Variants in ITSN1 observed in about 807,000 individuals in gnomAD.
The protein encoded by ITSN1 is intersectin-1.
ITSN1 carries 58 observed loss-of-function variants against 239.8 expected under a neutral mutation model. The observed-to-expected ratio is 0.24, with a 90% CI of 0.20 to 0.30. ITSN1 has a LOEUF of 0.30. Ranked by LOEUF, ITSN1 falls within the 10% of genes least tolerant of loss-of-function variation. The pLI is 1.00. For missense variants in ITSN1, 1,558 were observed against 2,103.3 expected (o/e 0.74, Z 5.07); for synonymous variants, 780 against 770.8 (o/e 1.01, Z -0.20).
intron 5 of ITSN1, among the ~76,000 whole-genome samples, chr21:33,739,556 G>A (rs1406053945): frequency 1.3e-5 from 2 of 152,126 alleles, no homozygotes; most frequent in Non-Finnish European, 2.9e-5. Flanking sequence ...AGTGCAATAA[G>A]TTCATTAAAA....
In ITSN1 at chr21:33,858,766, G is replaced by T. The variant is rs756237989; in HGVS notation, c.3864G>T (p.Leu1288=). 1 of 1,612,430 alleles carries T rather than the reference G, an allele frequency of 6.2e-7. No homozygotes were observed. The highest frequency in any genetic ancestry group is 2.2e-5 in the East Asian group (1 of 44,874). Reference sequence around the variant, plus strand: ...TGATTTTTGTGAACTGGAAGGAGCTGATTATGTGTAATATCAAACTACTAA... The same window carrying T: ...TGATTTTTGTGAACTGGAAGGAGCTTATTATGTGTAATATCAAACTACTAA... ...VAMIFVNWKE[L]IMCNIKLLKA... is the part of the protein sequence containing the mutation. The change falls in exon 31 of 40, where the codon CTG becomes CTT. Residue 1288 remains leucine, a synonymous_variant. Transcript: ENST00000381318.
At chr21:33,828,326 T>G (rs189411379) in intron 26 of ITSN1, among the ~76,000 whole-genome samples, 17 of 152,272 alleles carry the variant, frequency 1.1e-4, no homozygotes, top group African/African-American at 4.1e-4. Context: ...CATCCCAGCG[T>G]AGACATCCCA....
At chr21:33,755,134 T>C (rs975424419) in intron 7 of ITSN1, among the ~76,000 whole-genome samples, 163 bp from the exon 8 acceptor site, 1 of 152,078 alleles carries the variant, frequency 6.6e-6, no homozygotes, top group Non-Finnish European at 1.5e-5. Context: ...AAATGGGAAA[T>C]ACCCATGGCA....
chr21:33,750,308 C>A lies in ITSN1; in HGVS notation c.512C>A (p.Ala171Glu). The A allele has an allele frequency of 6.2e-7, 1 of 1,613,132 alleles. No individual in the cohort carries two copies. The highest frequency in any genetic ancestry group is 1.1e-5 in the South Asian group (1 of 91,038). Residue 171 changes from alanine to glutamate, a missense_variant, in exon 6 of 40, where the codon GCA becomes GAA. Ala to Glu is a moderately radical substitution (Grantham distance 107). This residue lies in a region of ITSN1 where 982 missense variants were observed against 1,209.9 expected (regional missense o/e 0.81). Coordinates refer to ENST00000381318, the MANE Select transcript of ITSN1 (RefSeq NM_003024.3). ...CCCCCTGTTATACAACCTCTGCCTG[C>A]ATTTGCTCATCCTGGTATGTGACTT... is the stretch of plus-strand genomic sequence containing the variant. ...GAPPVIQPLP[A>E]FAHPAATLPK...
rs1986803784 is a variant in ITSN1, at chr21:33,896,706, A to T, written c.*8406A>T. 1 of 152,218 alleles carries T rather than the reference A, an allele frequency of 6.6e-6. No homozygotes were observed. The highest frequency in any genetic ancestry group is 1.5e-5 in the Non-Finnish European group (1 of 68,046). 9.4% of individuals were successfully genotyped at this position (152,218 alleles called of 1,614,324 possible). ...TGGCCCCGGGAGGCAGCTGACCATG[A>T]AGCTGGGCTTCCTGTTGTTGCTTTC... On this transcript the variant is annotated 3_prime_UTR_variant, in exon 40 of 40. Coordinates refer to ENST00000381318, the MANE Select transcript of ITSN1 (RefSeq NM_003024.3).
intron 11 of ITSN1, 65 bp downstream of exon 11, chr21:33,767,893 T>A: frequency 1.1e-6 from 1 of 910,526 alleles, no homozygotes; most frequent in Non-Finnish European, 1.7e-6. Context: ...TTCCTATCTC[T>A]AAGACAAAGA....
intron 34 of ITSN1, among the ~76,000 whole-genome samples, chr21:33,879,268 T>A (rs1352768121): frequency 6.6e-6 from 1 of 152,144 alleles, no homozygotes; most frequent in Admixed American, 6.5e-5. Flanking sequence ...GGAGGATCGC[T>A]TGAGCCCAGG....
rs114203595 is a variant in ITSN1 at position 33,769,586 on chromosome 21, T to C, written c.1042+1758T>C. On this transcript the variant is annotated intron_variant, in intron 11 of 39. Transcript: ENST00000381318. ...TGGTTCCCAGTGAGGGCCCTCTTCG[T>C]AGCATGCAGACAGCAGCCTTCAGTT... Among the ~76,000 whole-genome samples the C allele has an allele frequency of 7.5e-3, 1,146 of 152,320 alleles. 15 individuals carry two copies. Among genetic ancestry groups the C allele is most frequent in the African/African-American group, 0.026 (1,091 of 41,570 alleles).
In ITSN1 at chr21:33,896,069, T is replaced by G. The variant is rs955967050; in HGVS notation, c.*7769T>G. 6.6e-6 allele frequency: 1 copy of G among 152,252 alleles called. No individual in the cohort carries two copies. The highest frequency in any genetic ancestry group is 1.5e-5 in the Non-Finnish European group (1 of 68,092). 9.4% of individuals were successfully genotyped at this position (152,252 alleles called of 1,614,324 possible). On this transcript the variant is annotated 3_prime_UTR_variant, in exon 40 of 40. Coordinates refer to ENST00000381318, the MANE Select transcript of ITSN1 (RefSeq NM_003024.3). ...TCTTAGGTCTTCTTACTTTGAAAGG[T>G]CTCCCGGCAGGCTGTGGCAAGCTGC...
At chr21:33,824,358 C>G (rs972096518) in intron 25 of ITSN1, among the ~76,000 whole-genome samples, 7 of 152,098 alleles carry the variant, frequency 4.6e-5, no homozygotes, top group African/African-American at 1.7e-4. Flanking sequence ...GAGCCACTTG[C>G]ACGTTAGTGG....
rs1391540082 is a variant in ITSN1 at position 33,721,174 on chromosome 21, T to G, written c.29-4T>G. 6.2e-7 allele frequency: 1 copy of G among 1,608,578 alleles called. No individual in the cohort carries two copies. Among genetic ancestry groups the G allele is most frequent in the Non-Finnish European group, 8.5e-7 (1 of 1,175,152 alleles). ...AATTTGTTTGTCTTTTCTTTGGATT[T>G]TAGGCAGCCTGGATATCTGGGCCAT... On this transcript the variant is annotated splice_polypyrimidine_tract_variant and splice_region_variant and intron_variant, in intron 2 of 39. Coordinates refer to ENST00000381318, the MANE Select transcript of ITSN1 (RefSeq NM_003024.3).
At chr21:33,876,686 T>C (rs55938738) in intron 34 of ITSN1, among the ~76,000 whole-genome samples, 132 of 152,316 alleles carry the variant, frequency 8.7e-4, no homozygotes, top group African/African-American at 2.9e-3. Flanking sequence ...GGCTAGTTTG[T>C]GTTCAAGATC....
chr21:33,722,109 T>C (rs2065523773), intron 3 of ITSN1: 1 of 152,182 alleles, frequency 6.6e-6, no homozygotes, highest in South Asian at 2.1e-4. Flanking sequence ...GGCTTCACCA[T>C]GTTGGCCAGG....
intron 1 of ITSN1, among the ~76,000 whole-genome samples, chr21:33,668,347 C>T (rs2090053990): frequency 6.6e-6 from 1 of 152,194 alleles, no homozygotes; most frequent in Admixed American, 6.5e-5. Context: ...TGTGGGCCCC[C>T]CCAAGGCATG....
At chr21:33,719,123 G>A (rs529792235) in intron 2 of ITSN1, among the ~76,000 whole-genome samples, 1 of 152,222 alleles carries the variant, frequency 6.6e-6, no homozygotes, top group South Asian at 2.1e-4. Context: ...CATAACTTCA[G>A]TACCATTATC....
At chr21:33,767,946 A>G in intron 11 of ITSN1, 118 bp downstream of exon 11, 2 of 574,392 alleles carry the variant, frequency 3.5e-6, no homozygotes, top group South Asian at 2.2e-5. Context: ...TTTGCCTTGT[A>G]ACTTAACTGA....
intron 8 of ITSN1, among the ~76,000 whole-genome samples, chr21:33,761,238 G>C (rs1024832857): frequency 2.6e-5 from 4 of 151,944 alleles, no homozygotes; most frequent in Admixed American, 6.6e-5. Context: ...ACCATTCCCA[G>C]CTAATTTTTT....
chr21:33,691,809 T>C (rs538549322), intron 1 of ITSN1, among the ~76,000 whole-genome samples: 317 of 152,334 alleles, frequency 2.1e-3, no homozygotes, highest in Non-Finnish European at 3.4e-3. Context: ...TCTGTTCTTA[T>C]AAGGGTACCA....
intron 7 of ITSN1, among the ~76,000 whole-genome samples, chr21:33,752,429 C>G (rs1238377717): frequency 1.3e-5 from 2 of 152,130 alleles, no homozygotes; most frequent in African/African-American, 4.8e-5. Flanking sequence ...TCACATTAAT[C>G]AAATGTGTGG....
Sources: gnomAD v4.1 joint callset for allele counts (sites outside exome capture counted in the v4.1 genomes callset) on GRCh38, gnomAD v4.1.1 for gene constraint, gnomAD v4.1.1 regional missense constraint, MANE v1.5 for transcripts, NCBI Gene and HGNC (gene_info 2026-07-23, HGNC 2026-07-21) for gene names.